The following MON2 variants were observed in gnomAD, a reference collection of about 807,000 sequenced individuals.
The protein encoded by MON2 is protein MON2 homolog.
MON2 carries 84 observed loss-of-function variants against 208.6 expected under a neutral mutation model. The ratio of observed to expected loss-of-function variants is 0.40; its 90% CI spans 0.34 to 0.48. The LOEUF (loss-of-function observed/expected upper bound fraction) is 0.48, where lower values mean the gene tolerates loss of function less well. Among genes scored for constraint, MON2 ranks in the 20% least tolerant of loss-of-function variants. MON2 has a pLI of 0.59. For missense variants in MON2, 1,611 were observed against 2,015.4 expected (o/e 0.80, Z 3.84); for synonymous variants, 660 against 694.0 (o/e 0.95, Z 0.77).
At chr12:62,521,989 C>T (rs925429714) in intron 8 of MON2, among the ~76,000 whole-genome samples, 5 of 151,978 alleles carry the variant, frequency 3.3e-5, no homozygotes, top group Non-Finnish European at 5.9e-5. Context: ...GGTCAGGAGT[C>T]CGAGACCATC....
At chr12:62,535,755 T>C (rs1389992618) in intron 14 of MON2, 46 bp downstream of exon 14, 1 of 1,420,310 alleles carries the variant, frequency 7.0e-7, no homozygotes, top group African/African-American at 1.4e-5. Flanking sequence ...TGGGATGATA[T>C]GGTGTAGACA....
chr12:62,530,684 C>T (rs2072591845), intron 11 of MON2, among the ~76,000 whole-genome samples: 1 of 152,040 alleles, frequency 6.6e-6, no homozygotes, highest in Non-Finnish European at 1.5e-5. Flanking sequence ...ATGAATAATA[C>T]TACCATGAGC....
At chr12:62,553,348 T>G (rs753113589) in intron 24 of MON2, 174 bp downstream of exon 24, 12 of 555,166 alleles carry the variant, frequency 2.2e-5, no homozygotes, top group Non-Finnish European at 3.7e-5. Context: ...AAGAGCAAAT[T>G]AAATATTAAC....
At chr12:62,570,233 T>G (rs562581769) in intron 29 of MON2, among the ~76,000 whole-genome samples, 3 of 152,174 alleles carry the variant, frequency 2.0e-5, no homozygotes, top group African/African-American at 4.8e-5. Context: ...ATATATCTAG[T>G]CACTGTACAT....
intron 1 of MON2, among the ~76,000 whole-genome samples, chr12:62,483,285 G>GT (rs892008724): frequency 2.6e-5 from 4 of 152,134 alleles, no homozygotes; most frequent in Non-Finnish European, 5.9e-5. Context: ...AAATTGGACA[G>GT]TGCAGTTCTG....
At chr12:62,467,361 C>G (rs1412311425) in intron 1 of MON2, 43 bp downstream of exon 1, 2 of 1,511,616 alleles carry the variant, frequency 1.3e-6, no homozygotes, top group Admixed American at 3.3e-5. Flanking sequence ...GTGAGCATGC[C>G]TGGTCCTGTT....
intron 7 of MON2, among the ~76,000 whole-genome samples, chr12:62,505,678 C>G (rs901310886): frequency 2.0e-5 from 3 of 150,776 alleles, no homozygotes; most frequent in Non-Finnish European, 4.4e-5. Context: ...CTCAGGAGTT[C>G]AAGACCAGCC....
chr12:62,501,789 T>G (rs2070846546), intron 7 of MON2, 91 bp downstream of exon 7: 6 of 1,445,232 alleles, frequency 4.2e-6, no homozygotes. Flanking sequence ...TTTTCCACCT[T>G]AAAAGTGGCA....
chr12:62,569,956 T>A (rs927014616), intron 29 of MON2, among the ~76,000 whole-genome samples: 1 of 152,178 alleles, frequency 6.6e-6, no homozygotes, highest in Non-Finnish European at 1.5e-5. Context: ...AATATGAAAA[T>A]TTTTCTACTT....
At position 62,535,646 on chromosome 12, in the gene MON2, C is replaced by T; in HGVS notation, c.1837C>T (p.Leu613=). ...AFITAICKGS[L]PPHYALTVLN... ...TATAACTGCAATATGCAAAGGTTCC[C>T]TGCCTCCCCATTATGCTCTTACTGT... The change falls in exon 14 of 35, where the codon CTG becomes TTG. Residue 613 remains leucine (L), a synonymous_variant. Transcript: ENST00000393630. 1.9e-6 allele frequency: 3 copies of T among 1,613,746 alleles called. No individual in the cohort carries two copies. The highest frequency in any genetic ancestry group is 2.5e-6 in the Non-Finnish European group (3 of 1,179,824).
intron 26 of MON2, among the ~76,000 whole-genome samples, chr12:62,562,074 A>G (rs140989759): frequency 1.3e-5 from 2 of 152,250 alleles, no homozygotes; most frequent in African/African-American, 4.8e-5. Flanking sequence ...TTAGTTTTCT[A>G]CAATTGAACT....
intron 29 of MON2, among the ~76,000 whole-genome samples, chr12:62,570,862 G>A (rs2074571952): frequency 6.7e-6 from 1 of 149,794 alleles, no homozygotes; most frequent in Non-Finnish European, 1.5e-5. Flanking sequence ...CTCCTGAGTA[G>A]CTGGGACTAT....
rs372003134 is a variant in MON2 at position 62,595,437 on chromosome 12, G to C, written c.*2688G>C. The C allele has an allele frequency of 6.6e-6, 1 of 152,090 alleles. No homozygotes were observed. Among genetic ancestry groups the C allele is most frequent in the South Asian group, 2.1e-4 (1 of 4,820 alleles). The allele number at this position is 152,090 out of a possible 1,614,324, so 9.4% of individuals were successfully genotyped here. On this transcript the variant is annotated 3_prime_UTR_variant, in exon 35 of 35. Coordinates refer to ENST00000393630, the MANE Select transcript of MON2 (RefSeq NM_015026.3). ...TGACATTACAGGCCTGAGCCACTGC[G>C]CCCAGCCAATACCATGAGTTTTAAG...
intron 7 of MON2, among the ~76,000 whole-genome samples, chr12:62,505,548 A>G (rs913962368): frequency 3.3e-5 from 5 of 152,142 alleles, no homozygotes; most frequent in African/African-American, 1.2e-4. Flanking sequence ...AAGCAAAGAA[A>G]GTTTCAAGAT....
intron 8 of MON2, among the ~76,000 whole-genome samples, chr12:62,511,587 C>T (rs1169428873): frequency 1.4e-5 from 2 of 141,150 alleles, no homozygotes; most frequent in South Asian, 4.5e-4. Context: ...AGACCCTTAC[C>T]TTATGCCATG....
At chr12:62,544,450 AAAT>A (rs1565668093) in intron 20 of MON2, among the ~76,000 whole-genome samples, 1 of 152,116 alleles carries the variant, frequency 6.6e-6, no homozygotes, top group Admixed American at 6.6e-5. Flanking sequence ...TGTGTCTCAA[AAAT>A]AATAATAATA....
At chr12:62,551,748 A>G (rs577092005) in intron 23 of MON2, among the ~76,000 whole-genome samples, 1 of 152,360 alleles carries the variant, frequency 6.6e-6, no homozygotes, top group African/African-American at 2.4e-5. Flanking sequence ...AATTGTTAAC[A>G]TTACATGAAA....
intron 25 of MON2, among the ~76,000 whole-genome samples, chr12:62,559,308 G>C (rs2074111077): frequency 6.6e-6 from 1 of 152,172 alleles, no homozygotes; most frequent in South Asian, 2.1e-4. Context: ...TTTTAATGTA[G>C]GTATGTGGAT....
chr12:62,519,038 A>G (rs983315672), intron 8 of MON2, among the ~76,000 whole-genome samples: 1 of 152,188 alleles, frequency 6.6e-6, no homozygotes, highest in Non-Finnish European at 1.5e-5. Flanking sequence ...TAGAAGACAT[A>G]CTAGAGGAAT....
Sources: gnomAD v4.1 joint callset for allele counts (sites outside exome capture counted in the v4.1 genomes callset) on GRCh38, gnomAD v4.1.1 for gene constraint, MANE v1.5 for transcripts, NCBI Gene and HGNC (gene_info 2026-07-23, HGNC 2026-07-21) for gene names.